The following NUP98 variants were observed in gnomAD, a reference collection of about 807,000 sequenced individuals.
The protein encoded by NUP98 is nucleoporin 98 and 96 precursor, also known as nuclear pore complex protein Nup98-Nup96.
Under a neutral mutation model 191.9 loss-of-function variants are expected in NUP98, and 26 were observed. The ratio of observed to expected loss-of-function variants is 0.14; its 90% CI spans 0.10 to 0.19. The LOEUF (loss-of-function observed/expected upper bound fraction) is 0.19. NUP98 is among the 10% of genes least tolerant of loss of function. NUP98 has a pLI of 1.00. For missense variants in NUP98, 1,941 were observed against 2,178.8 expected (o/e 0.89, Z 2.17); for synonymous variants, 808 against 778.4 (o/e 1.04, Z -0.63).
intron 10 of NUP98, among the ~76,000 whole-genome samples, chr11:3,759,576 C>T (rs1309247186): frequency 1.3e-5 from 2 of 151,954 alleles, no homozygotes; most frequent in Admixed American, 1.3e-4. Context: ...GCACTCCAGC[C>T]TGGGTGACAG....
At chr11:3,719,164 A>AAATAG (rs949284480) in intron 18 of NUP98, among the ~76,000 whole-genome samples, 1 of 152,096 alleles carries the variant, frequency 6.6e-6, no homozygotes, top group African/African-American at 2.4e-5. Flanking sequence ...AAATGAAATA[A>AAATAG]AATAGAATAG....
intron 29 of NUP98, among the ~76,000 whole-genome samples, chr11:3,683,871 T>TA (rs1016009003): frequency 6.3e-4 from 95 of 151,964 alleles, no homozygotes; most frequent in Middle Eastern, 3.4e-3. Flanking sequence ...TAAGCTTCAC[T>TA]AAAAAAATCA....
intron 27 of NUP98, among the ~76,000 whole-genome samples, chr11:3,692,318 G>A (rs1437900927): frequency 7.1e-5 from 10 of 141,098 alleles, no homozygotes; most frequent in Admixed American, 1.4e-4. Flanking sequence ...ACCTGATCTC[G>A]ATTGAAAAAA....
chr11:3,696,048 G>C (rs536568404), intron 25 of NUP98, among the ~76,000 whole-genome samples: 4 of 152,020 alleles, frequency 2.6e-5, no homozygotes, highest in African/African-American at 7.2e-5. Context: ...AAAAATCACC[G>C]GGCGTGCTGG....
At chr11:3,780,169 A>G (rs192192672) in intron 2 of NUP98, among the ~76,000 whole-genome samples, 1 of 152,196 alleles carries the variant, frequency 6.6e-6, no homozygotes, top group South Asian at 2.1e-4. Context: ...GGGCACTTTT[A>G]GTTAAAAACC....
At position 3,788,152 on chromosome 11, in the gene NUP98, T is replaced by G. The variant is rs117682610; in HGVS notation, c.-28-6007A>C. On this transcript the variant is annotated intron_variant, in intron 1 of 32. Transcript: ENST00000324932. ...CTGGGTAAAAAAAATGTCTTGACTT[T>G]GCTCACTGGGTGTAAATTAATTTTA... Among the ~76,000 whole-genome samples, 679 of 152,374 alleles carry G rather than the reference T, an allele frequency of 4.5e-3. 4 individuals are homozygous for G. The highest frequency in any genetic ancestry group is 7.7e-3 in the Non-Finnish European group (526 of 68,038).
At position 3,679,073 on chromosome 11, in the gene NUP98, C is replaced by T. The variant is rs528094707; in HGVS notation, c.5073+481G>A. Among the ~76,000 whole-genome samples the T allele has an allele frequency of 2.0e-3, 289 of 144,650 alleles. 4 individuals carry two copies. The highest frequency in any genetic ancestry group is 2.8e-3 in the Non-Finnish European group (187 of 67,122). The allele number at this position is 144,650 out of a possible 152,430, so 94.9% of individuals were successfully genotyped here. A position where few individuals can be genotyped will look rare whatever the true frequency, so the allele number is the denominator to read the frequency against. The stretch of plus-strand genomic sequence containing the variant: ...GGGAGGCAGAGGTTGCAGTGAGCCA[C>T]GATCACACCACTGCACTCCAGCCTG... On this transcript the variant is annotated intron_variant, in intron 31 of 32. Transcript: ENST00000324932.
intron 2 of NUP98, among the ~76,000 whole-genome samples, chr11:3,780,145 A>G (rs1404213288): frequency 6.6e-6 from 1 of 152,124 alleles, no homozygotes; most frequent in African/African-American, 2.4e-5. Flanking sequence ...AAAACTTCCA[A>G]AGGTGACTGT....
chr11:3,694,622 C>T (rs1166766026), intron 26 of NUP98, among the ~76,000 whole-genome samples: 1 of 151,920 alleles, frequency 6.6e-6, no homozygotes, highest in African/African-American at 2.4e-5. Flanking sequence ...TGCCTGTAGT[C>T]TCAGCTACTC....
intron 20 of NUP98, among the ~76,000 whole-genome samples, chr11:3,708,766 A>G (rs1347561985): frequency 6.6e-6 from 1 of 151,892 alleles, no homozygotes; most frequent in Admixed American, 6.6e-5. Context: ...AACTGAGGAA[A>G]GGGAAGAGAA....
At chr11:3,780,618 T>C (rs567793582) in intron 2 of NUP98, among the ~76,000 whole-genome samples, 13 of 150,562 alleles carry the variant, frequency 8.6e-5, no homozygotes, top group African/African-American at 2.9e-4. Flanking sequence ...TTAGGTATGA[T>C]AGAGGTTTGT....
At chr11:3,728,131 T>C (rs953223502) in intron 14 of NUP98, among the ~76,000 whole-genome samples, 2 of 152,136 alleles carry the variant, frequency 1.3e-5, no homozygotes, top group Non-Finnish European at 2.9e-5. Flanking sequence ...GAGAAGTGTT[T>C]CAAAGGGAAC....
At chr11:3,756,473 G>C (rs1279485639) in intron 10 of NUP98, among the ~76,000 whole-genome samples, 1 of 152,104 alleles carries the variant, frequency 6.6e-6, no homozygotes, top group East Asian at 1.9e-4. Flanking sequence ...AAACCTCTAA[G>C]CAAATCAGAA....
intron 20 of NUP98, among the ~76,000 whole-genome samples, chr11:3,709,132 C>CA (rs1301014426): frequency 2.0e-5 from 3 of 152,162 alleles, no homozygotes; most frequent in African/African-American, 4.8e-5. Flanking sequence ...GAGTGAATGA[C>CA]AAGTCCAAGG....
At chr11:3,768,332 A>AT (rs2081407229) in intron 8 of NUP98, among the ~76,000 whole-genome samples, 1 of 151,750 alleles carries the variant, frequency 6.6e-6, no homozygotes. Context: ...GAGGCAGGAG[A>AT]ATGGCATGAA....
chr11:3,761,181 A>G (rs1179427873), intron 9 of NUP98, among the ~76,000 whole-genome samples: 1 of 152,222 alleles, frequency 6.6e-6, no homozygotes, highest in African/African-American at 2.4e-5. Flanking sequence ...GCCAATGACT[A>G]TGGCATTTCT....
chr11:3,726,890 T>C (rs891449032), intron 14 of NUP98, among the ~76,000 whole-genome samples: 5 of 151,860 alleles, frequency 3.3e-5, no homozygotes, highest in African/African-American at 9.7e-5. Flanking sequence ...GCCTCCCAAA[T>C]AGCTGGGACT....
intron 1 of NUP98, among the ~76,000 whole-genome samples, chr11:3,782,570 A>ATT (rs35916882): frequency 0.15 from 17,568 of 117,300 alleles, 1,528 homozygotes; most frequent in Non-Finnish European, 0.2. Context: ...AAAAGCTAAC[A>ATT]TTTTTTTTTT....
intron 18 of NUP98, among the ~76,000 whole-genome samples, chr11:3,717,856 C>T (rs547121712): frequency 5.3e-5 from 8 of 152,184 alleles, no homozygotes; most frequent in African/African-American, 1.9e-4. Context: ...GTGGTATATT[C>T]CTTTATCTTG....
Sources: gnomAD v4.1 joint callset for allele counts (sites outside exome capture counted in the v4.1 genomes callset) on GRCh38, gnomAD v4.1.1 for gene constraint, MANE v1.5 for transcripts, NCBI Gene and HGNC (gene_info 2026-07-23, HGNC 2026-07-21) for gene names.